Variants in LRP1B observed in about 807,000 individuals in gnomAD.
LRP1B encodes the protein LDL receptor related protein 1B.
Under a neutral mutation model 556.6 loss-of-function variants are expected in LRP1B, and 217 were observed. That is an observed-to-expected ratio of 0.39 (90% confidence interval 0.35 to 0.44). The LOEUF is 0.44. Among genes scored for constraint, LRP1B ranks in the 20% least tolerant of loss-of-function variants. The pLI, the probability that LRP1B is intolerant of heterozygous loss-of-function variation, is 1.00. For missense variants in LRP1B, 5,053 were observed against 5,620.8 expected (o/e 0.90, Z 3.23); for synonymous variants, 2,047 against 1,865.8 (o/e 1.10, Z -2.50).
intron 1 of LRP1B, among the ~76,000 whole-genome samples, chr2:141,988,577 CAG>C (rs1486290030): frequency 6.6e-6 from 1 of 151,822 alleles, no homozygotes; most frequent in Non-Finnish European, 1.5e-5. Flanking sequence ...CCCATTTTGC[CAG>C]AGTTTTCCCA....
At chr2:141,677,995 C>A (rs1474288689) in intron 2 of LRP1B, among the ~76,000 whole-genome samples, 45 of 152,074 alleles carry the variant, frequency 3.0e-4, no homozygotes, top group Admixed American at 3.0e-3. Context: ...TAGATATTTC[C>A]TAGTTTTCCA....
At chr2:141,685,363 G>C (rs10177919) in intron 2 of LRP1B, among the ~76,000 whole-genome samples, 1 of 151,690 alleles carries the variant, frequency 6.6e-6, no homozygotes, top group Non-Finnish European at 1.5e-5. Flanking sequence ...ACTTTAAATT[G>C]ATGATGTCGT....
intron 32 of LRP1B, among the ~76,000 whole-genome samples, chr2:140,784,260 G>C (rs969290745): frequency 4.6e-5 from 7 of 151,812 alleles, no homozygotes; most frequent in African/African-American, 1.7e-4. Flanking sequence ...CCTGACTTTT[G>C]GGGAGGCTGA....
chr2:141,907,994 G>A (rs1280710633), intron 1 of LRP1B, among the ~76,000 whole-genome samples: 1 of 151,968 alleles, frequency 6.6e-6, no homozygotes, highest in Non-Finnish European at 1.5e-5. Context: ...GAGCTTAGAT[G>A]AGGAAGGAGT....
chr2:141,649,298 A>G (rs1689697714), intron 2 of LRP1B, among the ~76,000 whole-genome samples: 1 of 152,210 alleles, frequency 6.6e-6, no homozygotes, highest in Admixed American at 6.5e-5. Flanking sequence ...AGAAGGCATC[A>G]TGGTGTCTTT....
intron 2 of LRP1B, among the ~76,000 whole-genome samples, chr2:141,603,769 T>C (rs989585258): frequency 6.6e-6 from 1 of 152,188 alleles, no homozygotes; most frequent in African/African-American, 2.4e-5. Flanking sequence ...CATCAGGTAC[T>C]CTTCAGGTAA....
chr2:140,497,829 A>T (rs1689010268), intron 55 of LRP1B, among the ~76,000 whole-genome samples: 1 of 151,950 alleles, frequency 6.6e-6, no homozygotes, highest in Non-Finnish European at 1.5e-5. Flanking sequence ...AAAAACACAC[A>T]ATGGAAAATT....
chr2:141,847,541 A>G (rs894551842), intron 1 of LRP1B, among the ~76,000 whole-genome samples: 2 of 151,586 alleles, frequency 1.3e-5, no homozygotes, highest in Non-Finnish European at 3.0e-5. Flanking sequence ...CAGATATTAT[A>G]ACACCAAGTC....
At chr2:140,765,015 G>A (rs533117242) in intron 35 of LRP1B, among the ~76,000 whole-genome samples, 1 of 152,112 alleles carries the variant, frequency 6.6e-6, no homozygotes, top group South Asian at 2.1e-4. Context: ...TTTTAATAGA[G>A]ACAGGGTCTC....
chr2:140,324,115 A>T (rs2105059900), intron 80 of LRP1B, 49 bp from the exon 81 acceptor site: 2 of 1,120,658 alleles, frequency 1.8e-6, no homozygotes, highest in South Asian at 3.0e-5. Flanking sequence ...ATATACTCAG[A>T]CTTTAAAAAC....
At chr2:141,213,787 G>A (rs1006511134) in intron 6 of LRP1B, among the ~76,000 whole-genome samples, 1 of 151,938 alleles carries the variant, frequency 6.6e-6, no homozygotes, top group Non-Finnish European at 1.5e-5. Context: ...TTTCTATACT[G>A]TATTGGTTTT....
At chr2:141,039,618 C>T (rs1187357692) in intron 11 of LRP1B, among the ~76,000 whole-genome samples, 3 of 151,964 alleles carry the variant, frequency 2.0e-5, no homozygotes, top group South Asian at 2.1e-4. Context: ...CTCTTTTGAG[C>T]TCACATGTGT....
At chr2:141,855,156 A>G (rs1698006761) in intron 1 of LRP1B, among the ~76,000 whole-genome samples, 1 of 152,024 alleles carries the variant, frequency 6.6e-6, no homozygotes. Context: ...TTGGCTCTCA[A>G]GATGAAGCAG....
intron 2 of LRP1B, among the ~76,000 whole-genome samples, chr2:141,759,586 G>A (rs1694456708): frequency 6.6e-6 from 1 of 152,136 alleles, no homozygotes. Context: ...GATTAAAAGA[G>A]CCTAACATGT....
chr2:140,813,528 T>C (rs900370459), intron 32 of LRP1B, 129 bp downstream of exon 32: 5 of 736,448 alleles, frequency 6.8e-6, no homozygotes, highest in South Asian at 1.8e-5. Flanking sequence ...GAAAACCTCA[T>C]AGAAGTGTTC....
chr2:140,764,266 A>G (rs1385768538), intron 35 of LRP1B, among the ~76,000 whole-genome samples: 1 of 152,200 alleles, frequency 6.6e-6, no homozygotes, highest in Non-Finnish European at 1.5e-5. Context: ...ATAATACACG[A>G]TCTTCTACTA....
Position 141,436,480 on chromosome 2 carries a change from T to C in LRP1B, c.343+43916A>G, listed in dbSNP as rs185410329. 2.0e-5 allele frequency among the ~76,000 whole-genome samples: 3 copies of C among 152,336 alleles called. No individual in the cohort carries two copies. In the East Asian group the frequency reaches 5.8e-4, roughly 29 times the overall value. On this transcript the variant is annotated intron_variant, in intron 3 of 90. Transcript: ENST00000389484. ...CATTCATTCAGTAGGTTTCCTTGAATAAATATCTCTATTTGCTTAATGTCC... is the reference window on the plus strand; with the variant it reads ...CATTCATTCAGTAGGTTTCCTTGAACAAATATCTCTATTTGCTTAATGTCC...
chr2:141,677,014 G>A (rs892502038), intron 2 of LRP1B, among the ~76,000 whole-genome samples: 1 of 152,000 alleles, frequency 6.6e-6, no homozygotes, highest in East Asian at 1.9e-4. Flanking sequence ...AATAACTATA[G>A]ATTATTATAT....
At chr2:140,475,071 T>C (rs1216905707) in intron 60 of LRP1B, 67 bp downstream of exon 60, 7 of 645,664 alleles carry the variant, frequency 1.1e-5, no homozygotes, top group Non-Finnish European at 1.3e-5. Context: ...ATAAAATAAA[T>C]ATATATTTTT....
Sources: allele counts gnomAD v4.1 joint callset (sites outside exome capture counted in the v4.1 genomes callset), GRCh38; gene constraint gnomAD v4.1.1; transcripts MANE v1.5; gene names NCBI Gene and HGNC (gene_info 2026-07-23, HGNC 2026-07-21).